Variants in JAK1 observed in about 807,000 individuals in gnomAD.
The protein encoded by JAK1 is Janus kinase 1.
In JAK1, 16 loss-of-function variants were observed where a neutral mutation model predicts 136.6. That is an observed-to-expected ratio of 0.12 (90% CI 0.08 to 0.18). The LOEUF is 0.18. JAK1 is among the 10% of genes least tolerant of loss of function. The pLI is 1.00. For missense variants in JAK1, 859 were observed against 1,450.1 expected, an observed-to-expected ratio of 0.59 and a Z score of 6.62; for synonymous variants, 492 against 519.5, an observed-to-expected ratio of 0.95 and a Z score of 0.72.
intron 1 of JAK1, among the ~76,000 whole-genome samples, chr1:64,890,891 G>C (rs1405116768): frequency 6.6e-6 from 1 of 152,108 alleles, no homozygotes; most frequent in East Asian, 1.9e-4. Flanking sequence ...TTGCAACCTG[G>C]GTTTGAATTC....
At chr1:64,839,142 T>C (rs1302899249) in intron 20 of JAK1, among the ~76,000 whole-genome samples, 5 of 89,036 alleles carry the variant, frequency 5.6e-5, no homozygotes, top group Non-Finnish European at 9.6e-5. Flanking sequence ...CGAGACTCCG[T>C]CTCAAAAAAA....
chr1:64,925,731 T>C (rs985212166), intron 1 of JAK1, among the ~76,000 whole-genome samples: 8 of 152,226 alleles, frequency 5.3e-5, no homozygotes, highest in Admixed American at 5.2e-4. Context: ...ATGCACTTAT[T>C]TGACCTTTAT....
At chr1:64,878,670 T>A (rs1644721163) in intron 4 of JAK1, among the ~76,000 whole-genome samples, 1 of 150,510 alleles carries the variant, frequency 6.6e-6, no homozygotes, top group East Asian at 1.9e-4. Context: ...CTCCTGTTTC[T>A]TTTTCTTAAA....
At chr1:64,839,852 C>T (rs1036752912) in intron 19 of JAK1, 57 bp from the exon 20 acceptor site, 2 of 1,429,552 alleles carry the variant, frequency 1.4e-6, no homozygotes, top group African/African-American at 1.4e-5. Flanking sequence ...GGCCACGGAA[C>T]ACACAGAAGT....
chr1:64,853,075 T>C (rs1423074695), intron 11 of JAK1, among the ~76,000 whole-genome samples: 1 of 152,192 alleles, frequency 6.6e-6, no homozygotes, highest in African/African-American at 2.4e-5. Flanking sequence ...CATTTTCAAG[T>C]GAGAAACCCA....
At chr1:65,019,638 C>T (rs763203668) in intron 2 of JAK1, among the ~76,000 whole-genome samples, 4 of 152,052 alleles carry the variant, frequency 2.6e-5, no homozygotes, top group African/African-American at 4.8e-5. Context: ...GATGTGAGGC[C>T]GGGCATGGTG....
At chr1:64,885,508 C>T (rs958562523) in intron 2 of JAK1, among the ~76,000 whole-genome samples, 6 of 151,994 alleles carry the variant, frequency 3.9e-5, no homozygotes, top group Non-Finnish European at 7.4e-5. Flanking sequence ...AATCCCAGCA[C>T]TTTGGGAGGC....
At chr1:64,893,489 C>T (rs1375452654) in intron 1 of JAK1, among the ~76,000 whole-genome samples, 1 of 152,236 alleles carries the variant, frequency 6.6e-6, no homozygotes, top group Non-Finnish European at 1.5e-5. Flanking sequence ...CAGATCCCAG[C>T]TCTAACACCC....
chr1:64,948,503 AGAT>A (rs1646026024), intron 1 of JAK1, among the ~76,000 whole-genome samples: 1 of 152,246 alleles, frequency 6.6e-6, no homozygotes. Context: ...GTTTTTGCAA[AGAT>A]AAACTAGCCT....
rs115195138 is a variant in JAK1 at position 64,975,774 on chromosome 1, G to T, written c.-78+68706C>A. Among the ~76,000 whole-genome samples, 226 of 152,266 alleles carry T rather than the reference G, an allele frequency of 1.5e-3. 1 individual carries two copies. The highest frequency in any genetic ancestry group is 5.2e-3 in the African/African-American group (218 of 41,550). On this transcript the variant is annotated intron_variant, in intron 2 of 25. Coordinates refer to the JAK1 transcript ENST00000671954. ...CAACCCTAATTCCAGTGAGTCAAGG[G>T]AGTACCAGGAAACGCCCAAGGAGAT...
intron 12 of JAK1, among the ~76,000 whole-genome samples, chr1:64,850,125 T>C (rs1655493965): frequency 6.6e-6 from 1 of 152,146 alleles, no homozygotes; most frequent in African/African-American, 2.4e-5. Flanking sequence ...TCTCCAAGGC[T>C]GCCGCACCAT....
chr1:64,988,852 G>A (rs1367081980), intron 2 of JAK1, among the ~76,000 whole-genome samples: 2 of 151,584 alleles, frequency 1.3e-5, no homozygotes, highest in Admixed American at 1.3e-4. Flanking sequence ...TCTTGACACT[G>A]CACTGAAGCC....
chr1:65,059,431 A>C (rs192896448), intron 1 of JAK1, among the ~76,000 whole-genome samples: 194 of 152,338 alleles, frequency 1.3e-3, no homozygotes, highest in African/African-American at 4.4e-3. Flanking sequence ...AATGACTTTC[A>C]TTCCTCTTGC....
In JAK1 at chr1:65,033,491, C is replaced by T. The variant is rs1002010635; in HGVS notation, c.-78+10989G>A. Among the ~76,000 whole-genome samples the T allele has an allele frequency of 2.0e-5, 3 of 152,180 alleles. No homozygotes were observed. In the South Asian group the frequency reaches 6.2e-4, roughly 32 times the overall value. On this transcript the variant is annotated intron_variant, in intron 2 of 25. Coordinates refer to the JAK1 transcript ENST00000671954. The stretch of plus-strand genomic sequence containing the variant: ...TATAAGCCACCACACCTGGCCTCAA[C>T]TCCTGTATCTCCAGAACTAGTGACT...
Position 64,984,684 on chromosome 1 carries a change from T to C in JAK1, c.-78+59796A>G, listed in dbSNP as rs1646581138. ...CACAGTCCTTCCAGATCTATTTGCA[T>C]CGTGTGCCTGCCCCTCAAAGGCCTA... is the stretch of plus-strand genomic sequence containing the variant. On this transcript the variant is annotated intron_variant, in intron 2 of 25. Transcript: ENST00000671954. This position sits in a 1 kb window ranked among gnomAD's most constrained non-coding sequence, Gnocchi z 4.1. 6.6e-6 allele frequency: 4 copies of C among 610,616 alleles called. No homozygotes were observed. In the Admixed American group the frequency reaches 1.0e-4, roughly 15 times the overall value. 37.8% of individuals were successfully genotyped at this position (610,616 alleles called of 1,614,324 possible).
At chr1:64,945,411 C>T (rs1385538165) in intron 1 of JAK1, among the ~76,000 whole-genome samples, 1 of 151,942 alleles carries the variant, frequency 6.6e-6, no homozygotes, top group Non-Finnish European at 1.5e-5. Context: ...TTTATAACAG[C>T]AAAAGTGCAG....
At chr1:64,935,000 C>T (rs986933778) in intron 1 of JAK1, among the ~76,000 whole-genome samples, 2 of 152,142 alleles carry the variant, frequency 1.3e-5, no homozygotes, top group African/African-American at 4.8e-5. Flanking sequence ...TACTTGAGGA[C>T]CAATCTATTT....
At chr1:64,862,614 C>T (rs1205246762) in intron 8 of JAK1, among the ~76,000 whole-genome samples, 1 of 152,198 alleles carries the variant, frequency 6.6e-6, no homozygotes, top group African/African-American at 2.4e-5. Context: ...GGTGCACCAA[C>T]TTGTGTTGGT....
chr1:65,059,657 A>G (rs572284164), intron 1 of JAK1, among the ~76,000 whole-genome samples: 80 of 152,324 alleles, frequency 5.3e-4, no homozygotes, highest in African/African-American at 1.9e-3. Context: ...TAAAAAGTAC[A>G]AAAGATTCTG....
Sources: allele counts gnomAD v4.1 joint callset (sites outside exome capture counted in the v4.1 genomes callset), GRCh38; gene constraint gnomAD v4.1.1; non-coding constraint Gnocchi (gnomAD v3.1); transcripts MANE v1.5; gene names NCBI Gene and HGNC (gene_info 2026-07-23, HGNC 2026-07-21).